ELMO1: variants seen among roughly 807,000 people sequenced by gnomAD.
ELMO1 encodes engulfment and cell motility protein 1.
ELMO1 carries 26 observed loss-of-function variants against 98.9 expected under a neutral mutation model. That is an observed-to-expected ratio of 0.26 (90% confidence interval 0.19 to 0.36). The LOEUF (loss-of-function observed/expected upper bound fraction) is 0.36. Among genes scored for constraint, ELMO1 ranks in the 10% least tolerant of loss-of-function variants. The probability of loss-of-function intolerance (pLI) is 1.00; values close to 1 mark genes in which losing one functional copy is unlikely to be tolerated. For missense variants in ELMO1, 627 were observed against 935.2 expected (o/e 0.67, Z 4.30); for synonymous variants, 346 against 346.0 (o/e 1.00, Z 0.00).
chr7:37,164,871 G>A (rs1256850467), intron 13 of ELMO1, among the ~76,000 whole-genome samples: 1 of 151,078 alleles, frequency 6.6e-6, no homozygotes, highest in African/African-American at 2.4e-5. Flanking sequence ...CCAATTCTGT[G>A]AAGAAAGTCA....
intron 4 of ELMO1, among the ~76,000 whole-genome samples, chr7:37,299,448 T>C (rs572130307): frequency 0.076 from 7,952 of 104,460 alleles, 437 homozygotes; most frequent in Non-Finnish European, 0.11. Flanking sequence ...GATTTTTGTA[T>C]AAGGTGTAAG....
intron 16 of ELMO1, among the ~76,000 whole-genome samples, chr7:36,930,062 A>G (rs928994549): frequency 2.6e-5 from 4 of 152,200 alleles, no homozygotes; most frequent in Admixed American, 2.6e-4. Context: ...ACGCAAATCA[A>G]AGAGAGTTGG....
intron 13 of ELMO1, among the ~76,000 whole-genome samples, chr7:37,180,876 G>C: frequency 6.6e-6 from 1 of 151,924 alleles, no homozygotes; most frequent in Non-Finnish European, 1.5e-5. Context: ...CACCAGGGAG[G>C]AAATGAGGCA....
intron 16 of ELMO1, among the ~76,000 whole-genome samples, chr7:36,966,067 A>C (rs765409279): frequency 7.2e-5 from 11 of 152,212 alleles, no homozygotes; most frequent in Non-Finnish European, 1.5e-4. Flanking sequence ...GAAAAGAGGA[A>C]AATGCTTGGT....
At chr7:37,257,138 CACCA>C (rs1175006151) in intron 6 of ELMO1, among the ~76,000 whole-genome samples, 13 of 152,192 alleles carry the variant, frequency 8.5e-5, no homozygotes, top group Non-Finnish European at 1.8e-4. Context: ...GTTGTCTCTC[CACCA>C]ACATAAGAGC....
intron 4 of ELMO1, among the ~76,000 whole-genome samples, chr7:37,274,782 A>T (rs1208735801): frequency 9.2e-5 from 14 of 152,124 alleles, no homozygotes; most frequent in Admixed American, 9.2e-4. Flanking sequence ...CAAACTCCTG[A>T]CCTTGTGATC....
intron 14 of ELMO1, among the ~76,000 whole-genome samples, chr7:37,120,861 T>A (rs1275202060): frequency 4.6e-5 from 7 of 152,142 alleles, no homozygotes; most frequent in Non-Finnish European, 1.0e-4. Flanking sequence ...GTAGCCTAAC[T>A]GGGAGGCACC....
chr7:37,129,314 A>C (rs1786744602), intron 14 of ELMO1, among the ~76,000 whole-genome samples: 1 of 152,216 alleles, frequency 6.6e-6, no homozygotes, highest in African/African-American at 2.4e-5. Context: ...TCCAGACATT[A>C]GCAAGGAGGC....
intron 4 of ELMO1, among the ~76,000 whole-genome samples, chr7:37,306,905 C>G (rs915773532): frequency 4.8e-4 from 73 of 152,248 alleles, no homozygotes; most frequent in African/African-American, 1.7e-3. Context: ...TACACAGAAT[C>G]ATATGGTCAA....
chr7:37,336,625 G>A (rs1800427299), intron 2 of ELMO1, among the ~76,000 whole-genome samples: 1 of 152,160 alleles, frequency 6.6e-6, no homozygotes, highest in African/African-American at 2.4e-5. Flanking sequence ...ATCAAACAGG[G>A]AGGAAGAATC....
intron 16 of ELMO1, among the ~76,000 whole-genome samples, chr7:36,969,039 G>C (rs536564533): frequency 5.6e-4 from 85 of 152,060 alleles, no homozygotes; most frequent in Non-Finnish European, 1.1e-3. Context: ...ATTTATTGAG[G>C]ATCTTTAGCC....
At chr7:37,424,561 C>T (rs1022770813) in intron 1 of ELMO1, among the ~76,000 whole-genome samples, 5 of 152,124 alleles carry the variant, frequency 3.3e-5, no homozygotes, top group African/African-American at 1.2e-4. Flanking sequence ...TGGGCTAGGC[C>T]TTAGAGATTC....
At chr7:37,199,389 G>A (rs1470599151) in intron 13 of ELMO1, among the ~76,000 whole-genome samples, 1 of 152,304 alleles carries the variant, frequency 6.6e-6, no homozygotes, top group African/African-American at 2.4e-5. Context: ...TGAGGTGGGA[G>A]GTGGAGGTTG....
intron 16 of ELMO1, among the ~76,000 whole-genome samples, chr7:36,991,857 C>T (rs930385870): frequency 4.6e-5 from 7 of 152,058 alleles, no homozygotes; most frequent in South Asian, 2.1e-4. Flanking sequence ...AATGGAGAAA[C>T]GAAGGCTCAA....
chr7:37,027,611 T>G (rs1245702176), intron 15 of ELMO1, among the ~76,000 whole-genome samples: 1 of 152,136 alleles, frequency 6.6e-6, no homozygotes, highest in African/African-American at 2.4e-5. Context: ...AGTTAAATAT[T>G]TTAATATTTT....
At chr7:37,102,996 G>C (rs1289446847) in intron 14 of ELMO1, among the ~76,000 whole-genome samples, 1 of 152,168 alleles carries the variant, frequency 6.6e-6, no homozygotes, top group East Asian at 1.9e-4. Context: ...TGGTGACTTT[G>C]TACATATCCC....
intron 8 of ELMO1, among the ~76,000 whole-genome samples, chr7:37,227,712 T>G (rs1563089632): frequency 6.6e-6 from 1 of 152,218 alleles, no homozygotes; most frequent in Admixed American, 6.5e-5. Context: ...TGATATGAAG[T>G]ATACCTTCTC....
chr7:36,881,487 A>G (rs993199648), intron 18 of ELMO1, among the ~76,000 whole-genome samples: 2 of 152,206 alleles, frequency 1.3e-5, no homozygotes, highest in African/African-American at 4.8e-5. Context: ...AGCAATTAGC[A>G]GGAAGCAGTG....
At chr7:37,316,742 C>T (rs906058387) in intron 2 of ELMO1, among the ~76,000 whole-genome samples, 2 of 152,068 alleles carry the variant, frequency 1.3e-5, no homozygotes, top group African/African-American at 4.8e-5. Context: ...ACCCAAAGAA[C>T]AAATCACAGA....
Sources: gnomAD v4.1 joint callset for allele counts (sites outside exome capture counted in the v4.1 genomes callset) on GRCh38, gnomAD v4.1.1 for gene constraint, MANE v1.5 for transcripts, NCBI Gene and HGNC (gene_info 2026-07-23, HGNC 2026-07-21) for gene names.